Variants in MYO16 observed in about 807,000 individuals in gnomAD.
MYO16 encodes the protein unconventional myosin-XVI.
In MYO16, 94 loss-of-function variants were observed where a neutral mutation model predicts 205.3. The ratio of observed to expected loss-of-function variants is 0.46; its 90% CI spans 0.39 to 0.54. The LOEUF (loss-of-function observed/expected upper bound fraction) is 0.54, where lower values mean the gene tolerates loss of function less well. Among genes scored for constraint, MYO16 ranks in the 20% least tolerant of loss-of-function variants. MYO16 has a pLI of 0.00. For missense variants in MYO16, 2,315 were observed against 2,387.5 expected (o/e 0.97, Z 0.63); for synonymous variants, 988 against 954.0 (o/e 1.04, Z -0.66).
chr13:108,871,541 C>T (rs1879065725), intron 12 of MYO16, among the ~76,000 whole-genome samples: 1 of 152,076 alleles, frequency 6.6e-6, no homozygotes, highest in Non-Finnish European at 1.5e-5. Flanking sequence ...CCGCCTTGAC[C>T]TTGTGAAGTC....
intron 7 of MYO16, among the ~76,000 whole-genome samples, chr13:108,812,889 T>A (rs1039826132): frequency 4.6e-5 from 7 of 152,188 alleles, no homozygotes; most frequent in African/African-American, 1.7e-4. Flanking sequence ...TAATGGGGCA[T>A]CTTGAAAGAA....
the MYO16 span, among the ~76,000 whole-genome samples, chr13:108,543,648 AAAAAAAAAAAAAAAAG>A: frequency 4.0e-5 from 6 of 148,676 alleles, no homozygotes; most frequent in African/African-American, 1.5e-4. Flanking sequence ...TCTCAAGAAA[AAAAAAAAAAAAAAAAG>A]AAAAAAATCC....
chr13:109,106,565 A>G (rs970256935), intron 28 of MYO16, among the ~76,000 whole-genome samples: 7 of 152,228 alleles, frequency 4.6e-5, no homozygotes, highest in South Asian at 2.1e-4. Flanking sequence ...CACACATTTT[A>G]TATGCATCAA....
intron 31 of MYO16, among the ~76,000 whole-genome samples, chr13:109,131,004 C>T (rs1876507252): frequency 6.6e-6 from 1 of 152,112 alleles, no homozygotes; most frequent in East Asian, 1.9e-4. Flanking sequence ...CTTTGTGTGT[C>T]TACCAAGCGG....
intron 13 of MYO16, among the ~76,000 whole-genome samples, chr13:108,887,610 T>G (rs1879964770): frequency 1.3e-5 from 2 of 152,174 alleles, no homozygotes; most frequent in South Asian, 4.2e-4. Context: ...TGGGATGTAT[T>G]AAAAGTGATG....
Position 109,098,823 on chromosome 13 carries a change from A to G in MYO16, c.3336-1962A>G, listed in dbSNP as rs375577946. Among the ~76,000 whole-genome samples, 4 of 152,330 alleles carry G rather than the reference A, an allele frequency of 2.6e-5. No individual in the cohort carries two copies. In the East Asian group the frequency reaches 7.7e-4, roughly 29 times the overall value. ...TTGTCATATAAAATCCACTTTTGTC[A>G]TACATCATAATCTGATCCAGAAACG... On this transcript the variant is annotated intron_variant, in intron 27 of 34. Coordinates refer to ENST00000457511, the MANE Select transcript of MYO16 (RefSeq NM_001198950.3).
At chr13:108,769,747 G>A (rs892396316) in intron 4 of MYO16, among the ~76,000 whole-genome samples, 2 of 152,158 alleles carry the variant, frequency 1.3e-5, no homozygotes, top group East Asian at 1.9e-4. Flanking sequence ...CAAACTCGCC[G>A]ATTGATTTGA....
In MYO16 at chr13:109,206,603, C is replaced by T; in HGVS notation, c.5416-6C>T. ...CCTGTTTTTTCTGCCCCTCTTCCTCCCACAGGTAATCCATCAGCTGAGGCT... is the reference window on the plus strand; with the variant it reads ...CCTGTTTTTTCTGCCCCTCTTCCTCTCACAGGTAATCCATCAGCTGAGGCT... On this transcript the variant is annotated splice_polypyrimidine_tract_variant and splice_region_variant and intron_variant, in intron 34 of 34. Coordinates refer to ENST00000457511, the MANE Select transcript of MYO16 (RefSeq NM_001198950.3). The T allele has an allele frequency of 6.2e-7, 1 of 1,607,722 alleles. No individual in the cohort carries two copies. The highest frequency in any genetic ancestry group is 8.5e-7 in the Non-Finnish European group (1 of 1,174,878).
intron 16 of MYO16, among the ~76,000 whole-genome samples, chr13:108,951,876 G>T (rs535808094): frequency 6.6e-6 from 1 of 152,112 alleles, no homozygotes; most frequent in African/African-American, 2.4e-5. Flanking sequence ...GCTGAGGCAG[G>T]CCAGATCACC....
At chr13:108,866,317 A>G in intron 12 of MYO16, 75 bp downstream of exon 12, 1 of 900,110 alleles carries the variant, frequency 1.1e-6, no homozygotes, top group Non-Finnish European at 1.6e-6. Flanking sequence ...GTATCAAATG[A>G]CTAAAAAAAA....
rs541404984 is a variant in MYO16, at chr13:108,965,556, G to A, written c.2369+654G>A. Among the ~76,000 whole-genome samples the A allele has an allele frequency of 2.1e-4, 32 of 152,162 alleles. No individual in the cohort carries two copies. The East Asian group carries it at 4.6e-3, about 22-fold the overall frequency. On this transcript the variant is annotated intron_variant, in intron 20 of 34. Coordinates refer to ENST00000457511, the MANE Select transcript of MYO16 (RefSeq NM_001198950.3). ...CAAGTAGCTGGGATTACAGGCATGC[G>A]CCACCACACCCGGCTAATTTTGTAT...
intron 4 of MYO16, among the ~76,000 whole-genome samples, chr13:108,748,142 C>T (rs1322000879): frequency 6.6e-6 from 1 of 151,968 alleles, no homozygotes; most frequent in East Asian, 1.9e-4. Context: ...TAAAGTAGAA[C>T]AAACATACAA....
In MYO16 at chr13:108,714,236, T is replaced by C. The variant is rs540758279; in HGVS notation, c.363+1505T>C. Among the ~76,000 whole-genome samples, 7 of 152,236 alleles carry C rather than the reference T, an allele frequency of 4.6e-5. No individual in the cohort carries two copies. The South Asian group carries it at 1.5e-3, about 32-fold the overall frequency. ...ACGCCCAGCGAATTTTTTGTATTTT[T>C]AGTAGAGATGGGGTTTCACCATGTT... On this transcript the variant is annotated intron_variant, in intron 3 of 34. Coordinates refer to ENST00000457511, the MANE Select transcript of MYO16 (RefSeq NM_001198950.3).
the MYO16 span, among the ~76,000 whole-genome samples, chr13:108,500,225 TTTTTTTG>T: frequency 1.2e-4 from 1 of 8,674 alleles, no homozygotes; most frequent in Admixed American, 2.5e-3. Flanking sequence ...TTTTTTGTTT[TTTTTTTG>T]TTTTTTTTGT....
intron 1 of MYO16, among the ~76,000 whole-genome samples, chr13:108,631,020 C>T (rs1879955763): frequency 6.6e-6 from 1 of 152,134 alleles, no homozygotes; most frequent in African/African-American, 2.4e-5. Context: ...AGCTCTTTAA[C>T]TAATAAGAAT....
At chr13:108,626,941 A>T (rs555119808), upstream of MYO16, among the ~76,000 whole-genome samples, 13 of 146,380 alleles carry the variant, frequency 8.9e-5, no homozygotes, top group South Asian at 2.1e-4. Context: ...AATATATATA[A>T]AAATATATAT....
At chr13:108,577,711 A>G in the MYO16 span, among the ~76,000 whole-genome samples, 1 of 152,234 alleles carries the variant, frequency 6.6e-6, no homozygotes, top group African/African-American at 2.4e-5. Flanking sequence ...TGACTACAAG[A>G]CATACTTATA....
intron 1 of MYO16, among the ~76,000 whole-genome samples, chr13:108,613,409 G>A (rs187921487): frequency 6.6e-6 from 1 of 152,038 alleles, no homozygotes; most frequent in Admixed American, 6.6e-5. Context: ...TAGGTAACAT[G>A]CCCTCCTGGT....
the MYO16 span, among the ~76,000 whole-genome samples, chr13:108,497,302 T>G: frequency 1.3e-5 from 2 of 152,378 alleles, no homozygotes; most frequent in African/African-American, 4.8e-5. Context: ...AGGTAATTTG[T>G]CATCTGTGGA....
Sources: allele counts gnomAD v4.1 joint callset (sites outside exome capture counted in the v4.1 genomes callset), GRCh38; gene constraint gnomAD v4.1.1; transcripts MANE v1.5; gene names NCBI Gene and HGNC (gene_info 2026-07-23, HGNC 2026-07-21).